Variants in ROCK1 observed in about 807,000 individuals in gnomAD.
ROCK1 encodes the protein rho-associated protein kinase 1.
ROCK1 carries 36 observed loss-of-function variants against 196.8 expected under a neutral mutation model. That is an observed-to-expected ratio of 0.18 (90% CI 0.14 to 0.24). The LOEUF is 0.24. Among genes scored for constraint, ROCK1 ranks in the 10% least tolerant of loss-of-function variants. The pLI is 1.00. For synonymous variants in ROCK1, 443 were observed against 515.9 expected (o/e 0.86, Z 1.91); for missense variants, 920 against 1,562.0 (o/e 0.59, Z 6.93).
At chr18:21,071,742 G>C (rs2036387662) in intron 1 of ROCK1, among the ~76,000 whole-genome samples, 1 of 151,894 alleles carries the variant, frequency 6.6e-6, no homozygotes, top group African/African-American at 2.4e-5. Flanking sequence ...GTTCCAGACA[G>C]GTCAAAACAT....
intron 20 of ROCK1, among the ~76,000 whole-genome samples, chr18:20,984,105 T>C (rs905549194): frequency 3.3e-5 from 5 of 152,236 alleles, no homozygotes; most frequent in Non-Finnish European, 5.9e-5. Context: ...GTGATTTTTG[T>C]AATTCTAACC....
intron 21 of ROCK1, among the ~76,000 whole-genome samples, chr18:20,981,995 C>A (rs2143388876): frequency 6.6e-6 from 1 of 152,252 alleles, no homozygotes; most frequent in East Asian, 1.9e-4. Context: ...CCAATGCCCA[C>A]AAGCAATGGA....
intron 1 of ROCK1, among the ~76,000 whole-genome samples, chr18:21,087,653 C>T (rs771271750): frequency 2.0e-5 from 3 of 151,762 alleles, no homozygotes; most frequent in Non-Finnish European, 4.4e-5. Context: ...ACGCTCAGAA[C>T]AACAGAACTG....
chr18:20,984,360 T>C lies in ROCK1; in HGVS notation c.2480A>G (p.Gln827Arg), dbSNP rs149411979. Residue 827 changes from glutamine (Q) to arginine (R), a missense_variant, in exon 20 of 33, where the codon CAG becomes CGG. Physicochemically the swap from Gln to Arg is conservative, Grantham distance 43. Around this residue, in one of 6 missense-constraint regions of ROCK1, gnomAD observed 520 missense variants for 657.1 expected, o/e 0.79. Coordinates refer to ENST00000399799, the MANE Select transcript of ROCK1 (RefSeq NM_005406.3). Reference protein sequence around the residue: ...AKRLLEFELAQLTKQYRGNEG... With the variant: ...AKRLLEFELARLTKQYRGNEG... Reference sequence around the variant, plus strand: ...TATTTTAAAGACTTACTTCGTAAGCTGAGCTAACTCAAATTCTAATAATCT... The same window carrying C: ...TATTTTAAAGACTTACTTCGTAAGCCGAGCTAACTCAAATTCTAATAATCT... The C allele has an allele frequency of 9.4e-5, 151 of 1,601,390 alleles. No individual in the cohort carries two copies. The highest frequency in any genetic ancestry group is 9.4e-5 in the Non-Finnish European group (110 of 1,174,912).
chr18:20,996,277 C>T (rs531647978), intron 16 of ROCK1, among the ~76,000 whole-genome samples: 14 of 152,226 alleles, frequency 9.2e-5, no homozygotes, highest in African/African-American at 3.4e-4. Flanking sequence ...AACCGACATA[C>T]TGAAGAATGC....
At chr18:20,980,135 G>T in intron 21 of ROCK1, 131 bp from the exon 22 acceptor site, 1 of 1,104,654 alleles carries the variant, frequency 9.1e-7, no homozygotes, top group South Asian at 1.9e-5. Flanking sequence ...CATGACAAAT[G>T]CAAATATATG....
At position 20,951,351 on chromosome 18, in the gene ROCK1, C is replaced by G. The variant is rs763931559; in HGVS notation, c.*33G>C. 6.3e-7 allele frequency: 1 copy of G among 1,598,372 alleles called. No homozygotes were observed. Among genetic ancestry groups the G allele is most frequent in the Non-Finnish European group, 8.5e-7 (1 of 1,171,514 alleles). ...GAAGCCTGGTTTATCAGGTAGCATC[C>G]CACACGATTCCACAGGGCACTCAGT... On this transcript the variant is annotated 3_prime_UTR_variant, in exon 33 of 33. Transcript: ENST00000399799.
At position 20,951,084 on chromosome 18, in the gene ROCK1, G is replaced by A. The variant is rs963279332; in HGVS notation, c.*300C>T. 3.6e-6 allele frequency: 1 copy of A among 281,006 alleles called. No individual in the cohort carries two copies. The highest frequency in any genetic ancestry group is 2.2e-5 in the African/African-American group (1 of 45,754). The allele number at this position is 281,006 out of a possible 1,614,324, so 17.4% of individuals were successfully genotyped here. ...AAACTCTGTTCTATCACGACTGACA[G>A]GCATTTTCTTATAAATCCAAAAAGG... On this transcript the variant is annotated 3_prime_UTR_variant, in exon 33 of 33. Transcript: ENST00000399799.
intron 22 of ROCK1, among the ~76,000 whole-genome samples, chr18:20,975,123 T>A (rs2035467567): frequency 6.6e-6 from 1 of 152,004 alleles, no homozygotes. Context: ...ACAAAAACAA[T>A]AAATACAACA....
intron 16 of ROCK1, among the ~76,000 whole-genome samples, chr18:21,001,533 T>C (rs930726946): frequency 6.6e-6 from 1 of 151,994 alleles, no homozygotes; most frequent in African/African-American, 2.4e-5. Flanking sequence ...TTTGGGAGGC[T>C]GAGGCAGGCA....
chr18:21,016,112 T>C (rs1280458653), intron 12 of ROCK1, among the ~76,000 whole-genome samples: 2 of 152,216 alleles, frequency 1.3e-5, no homozygotes, highest in East Asian at 1.9e-4. Context: ...TTTCAAAGTA[T>C]TGATGAGCAT....
At chr18:20,980,723 T>G (rs992072842) in intron 21 of ROCK1, among the ~76,000 whole-genome samples, 1 of 151,878 alleles carries the variant, frequency 6.6e-6, no homozygotes, top group Admixed American at 6.6e-5. Context: ...GAGAGCATCC[T>G]GGCTAACACA....
At chr18:20,989,956 T>C (rs1474112756) in intron 18 of ROCK1, among the ~76,000 whole-genome samples, 1 of 151,944 alleles carries the variant, frequency 6.6e-6, no homozygotes, top group African/African-American at 2.4e-5. Flanking sequence ...TCAAAAAAAA[T>C]TGACAGCCAA....
At chr18:21,033,122 G>C (rs1364002317) in intron 9 of ROCK1, among the ~76,000 whole-genome samples, 2 of 152,000 alleles carry the variant, frequency 1.3e-5, no homozygotes, top group African/African-American at 2.4e-5. Flanking sequence ...CCTTGGGTCT[G>C]AGAGTTCAAA....
chr18:20,977,659 T>C (rs1161959514), intron 22 of ROCK1, among the ~76,000 whole-genome samples: 2 of 152,200 alleles, frequency 1.3e-5, no homozygotes, highest in South Asian at 2.1e-4. Context: ...CATATATTTG[T>C]CTTGAATAGA....
chr18:21,014,484 C>T (rs2035846389), intron 13 of ROCK1, among the ~76,000 whole-genome samples: 1 of 152,134 alleles, frequency 6.6e-6, no homozygotes, highest in Non-Finnish European at 1.5e-5. Context: ...TAATTTCATA[C>T]CTCAAATTTC....
At chr18:21,084,403 G>C (rs912858487) in intron 1 of ROCK1, among the ~76,000 whole-genome samples, 5 of 151,994 alleles carry the variant, frequency 3.3e-5, no homozygotes, top group African/African-American at 1.2e-4. Flanking sequence ...AAAATATGTA[G>C]GGCACTCCTA....
chr18:20,973,224 C>T (rs2035447036), intron 22 of ROCK1, among the ~76,000 whole-genome samples: 1 of 151,830 alleles, frequency 6.6e-6, no homozygotes, highest in Admixed American at 6.6e-5. Flanking sequence ...GTTTACATAA[C>T]AATGATAATG....
intron 10 of ROCK1, among the ~76,000 whole-genome samples, chr18:21,027,175 G>A (rs1460807129): frequency 3.3e-5 from 5 of 152,152 alleles, no homozygotes; most frequent in Non-Finnish European, 7.3e-5. Flanking sequence ...TTGACCTCAA[G>A]TGACCTGCCC....
Sources: allele counts gnomAD v4.1 joint callset (sites outside exome capture counted in the v4.1 genomes callset), GRCh38; gene constraint gnomAD v4.1.1; regional missense constraint gnomAD v4.1.1; transcripts MANE v1.5; gene names NCBI Gene and HGNC (gene_info 2026-07-23, HGNC 2026-07-21).